Variants in ARMC2 observed in about 807,000 individuals in gnomAD.
The protein encoded by ARMC2 is armadillo repeat containing 2, also known as armadillo repeat-containing protein 2.
Under a neutral mutation model 90.3 loss-of-function variants are expected in ARMC2, and 67 were observed. That is an observed-to-expected ratio of 0.74 (90% CI 0.61 to 0.91). The LOEUF (loss-of-function observed/expected upper bound fraction) is 0.91, where lower values mean the gene tolerates loss of function less well. Ranked by LOEUF, ARMC2 falls within the 40% of genes least tolerant of loss-of-function variation. ARMC2 has a pLI of 0.00. For missense variants in ARMC2, 920 were observed against 1,030.9 expected, an observed-to-expected ratio of 0.89 and a Z score of 1.47; for synonymous variants, 393 against 393.0, an observed-to-expected ratio of 1.00 and a Z score of 0.00.
chr6:109,002,306 C>T, the ARMC2 span: 2 of 1,613,274 alleles, frequency 1.2e-6, no homozygotes, highest in African/African-American at 2.7e-5. Context: ...TCTGCTTGGT[C>T]CCTGTCCTAG....
chr6:108,872,074 G>A (rs148177104), intron 4 of ARMC2, among the ~76,000 whole-genome samples: 74 of 152,308 alleles, frequency 4.9e-4, no homozygotes, highest in African/African-American at 1.7e-3. Flanking sequence ...CTTCTCTATT[G>A]TTTAGAAGAG....
In ARMC2 at chr6:108,897,124, A is replaced by G. The variant is rs147340507; in HGVS notation, c.749-2570A>G. On this transcript the variant is annotated intron_variant, in intron 6 of 17. Coordinates refer to ENST00000392644, the MANE Select transcript of ARMC2 (RefSeq NM_032131.6). The stretch of plus-strand genomic sequence containing the variant: ...CAATGACCCAAAAGATTGAGATGGT[A>G]GTCTACAAACTATCTGTAGTTCCAG... Among the ~76,000 whole-genome samples, 637 of 152,368 alleles carry G rather than the reference A, an allele frequency of 4.2e-3. 3 individuals carry two copies. Among genetic ancestry groups the G allele is most frequent in the African/African-American group, 0.014 (598 of 41,584 alleles).
chr6:109,009,519 G>C, the ARMC2 span: 1 of 1,190,174 alleles, frequency 8.4e-7, no homozygotes, highest in Admixed American at 4.5e-5. Flanking sequence ...AGCCGGCCGC[G>C]GCTCCTGGCT....
At chr6:109,018,242 A>C in the ARMC2 span, among the ~76,000 whole-genome samples, 1 of 152,236 alleles carries the variant, frequency 6.6e-6, no homozygotes. Context: ...GTATATCAAC[A>C]TTAAATTCAA....
intron 4 of ARMC2, among the ~76,000 whole-genome samples, chr6:108,873,778 C>G (rs1309475200): frequency 6.6e-6 from 1 of 152,122 alleles, no homozygotes; most frequent in Non-Finnish European, 1.5e-5. Flanking sequence ...CCCCCACCTC[C>G]TCTGTGAAGC....
intron 8 of ARMC2, among the ~76,000 whole-genome samples, chr6:108,909,637 G>A (rs527680602): frequency 6.6e-6 from 1 of 152,294 alleles, no homozygotes; most frequent in South Asian, 2.1e-4. Flanking sequence ...CCGGGTTCAA[G>A]TGATTCTCCT....
chr6:108,911,904 G>A (rs1219009844), intron 9 of ARMC2, among the ~76,000 whole-genome samples: 1 of 152,060 alleles, frequency 6.6e-6, no homozygotes, highest in Non-Finnish European at 1.5e-5. Context: ...TAGGGTGATT[G>A]AGATTTTTTT....
intron 6 of ARMC2, among the ~76,000 whole-genome samples, chr6:108,899,225 A>G (rs1313640555): frequency 6.6e-6 from 1 of 152,244 alleles, no homozygotes; most frequent in African/African-American, 2.4e-5. Flanking sequence ...ATCACTTGGC[A>G]TTAATGCTAC....
At chr6:108,925,432 C>T (rs985881208) in intron 10 of ARMC2, among the ~76,000 whole-genome samples, 1 of 152,172 alleles carries the variant, frequency 6.6e-6, no homozygotes, top group Non-Finnish European at 1.5e-5. Flanking sequence ...AAAGGATGAA[C>T]AAGGTTTATG....
At chr6:108,896,906 G>A (rs548839457) in intron 6 of ARMC2, among the ~76,000 whole-genome samples, 5 of 152,196 alleles carry the variant, frequency 3.3e-5, no homozygotes, top group South Asian at 4.2e-4. Context: ...TAAATAACTC[G>A]CCTGACTTAT....
At chr6:108,881,813 A>ATT (rs1168737207) in intron 5 of ARMC2, among the ~76,000 whole-genome samples, 2 of 152,182 alleles carry the variant, frequency 1.3e-5, no homozygotes. Context: ...AAACCAAGGG[A>ATT]ACATATACTC....
chr6:108,999,702 A>T, the ARMC2 span, among the ~76,000 whole-genome samples: 1 of 152,186 alleles, frequency 6.6e-6, no homozygotes, highest in Non-Finnish European at 1.5e-5. Context: ...TGCCCTTTGG[A>T]AGAGTTTTAC....
At chr6:108,936,841 A>T in intron 11 of ARMC2, 59 bp from the exon 12 acceptor site, 1 of 1,345,654 alleles carries the variant, frequency 7.4e-7, no homozygotes, top group Non-Finnish European at 1.0e-6. Flanking sequence ...TACTATGTGT[A>T]CTTGAATTTT....
At chr6:108,971,642 G>T (rs1287400671) in intron 17 of ARMC2, among the ~76,000 whole-genome samples, 1 of 152,116 alleles carries the variant, frequency 6.6e-6, no homozygotes, top group African/African-American at 2.4e-5. Context: ...AGTATCGGCA[G>T]CTGGGTGCAG....
intron 11 of ARMC2, among the ~76,000 whole-genome samples, chr6:108,932,183 T>C (rs949951735): frequency 9.2e-5 from 14 of 152,004 alleles, no homozygotes; most frequent in African/African-American, 3.2e-4. Context: ...TCCAATTCTG[T>C]AGGTTGTCTG....
intron 8 of ARMC2, among the ~76,000 whole-genome samples, chr6:108,909,825 C>T (rs1005009549): frequency 9.2e-5 from 14 of 152,232 alleles, no homozygotes; most frequent in African/African-American, 2.6e-4. Context: ...TGGGCTACTG[C>T]GCCCAGCCTA....
intron 5 of ARMC2, among the ~76,000 whole-genome samples, chr6:108,878,888 T>TCCATCCAC (rs1777193477): frequency 1.3e-5 from 2 of 152,130 alleles, no homozygotes; most frequent in African/African-American, 2.4e-5. Flanking sequence ...TCTCCATCCA[T>TCCATCCAC]CCATCCACCC....
At chr6:108,959,313 A>T (rs981687705) in intron 13 of ARMC2, 4 of 152,268 alleles carry the variant, frequency 2.6e-5, no homozygotes, top group Admixed American at 1.3e-4. Context: ...AGGGGGCGAT[A>T]CTTAAGTTGG....
intron 10 of ARMC2, among the ~76,000 whole-genome samples, chr6:108,927,774 T>C (rs934970520): frequency 6.6e-6 from 1 of 152,058 alleles, no homozygotes; most frequent in African/African-American, 2.4e-5. Context: ...GATGTGGCTA[T>C]CACAGGGCCA....
Sources: allele counts gnomAD v4.1 joint callset (sites outside exome capture counted in the v4.1 genomes callset), GRCh38; gene constraint gnomAD v4.1.1; transcripts MANE v1.5; gene names NCBI Gene and HGNC (gene_info 2026-07-23, HGNC 2026-07-21).